The following AHNAK variants were observed in gnomAD, a reference collection of about 807,000 sequenced individuals.
The protein encoded by AHNAK is AHNAK nucleoprotein.
In AHNAK, 23 loss-of-function variants were observed where a neutral mutation model predicts 37.8. That is an observed-to-expected ratio of 0.61 (90% CI 0.44 to 0.86). The LOEUF is 0.86. Ranked by LOEUF, AHNAK falls within the 40% of genes least tolerant of loss-of-function variation. AHNAK has a pLI of 0.00. For synonymous variants in AHNAK, 2,481 were observed against 2,636.3 expected, an observed-to-expected ratio of 0.94 and a Z score of 1.80; for missense variants, 7,411 against 7,319.4, an observed-to-expected ratio of 1.01 and a Z score of -0.46.
At chr11:62,462,819 G>A (rs1286840417) in intron 5 of AHNAK, among the ~76,000 whole-genome samples, 1 of 152,146 alleles carries the variant, frequency 6.6e-6, no homozygotes, top group Non-Finnish European at 1.5e-5. Flanking sequence ...GAGGAGCTTT[G>A]TTAATTTAGT....
downstream of AHNAK, among the ~76,000 whole-genome samples, chr11:62,512,099 G>A (rs927462950): frequency 6.6e-6 from 1 of 152,146 alleles, no homozygotes; most frequent in Non-Finnish European, 1.5e-5. This position sits in a 1 kb window ranked among gnomAD's most constrained non-coding sequence, Gnocchi z 4.0. Context: ...CACCTGCCTC[G>A]GCCTCCCAAC....
Position 62,527,041 on chromosome 11 carries a change from T to A in AHNAK, c.7376A>T (p.Asp2459Val). 6.2e-7 allele frequency: 1 copy of A among 1,614,064 alleles called. No individual in the cohort carries two copies. The highest frequency in any genetic ancestry group is 8.5e-7 in the Non-Finnish European group (1 of 1,180,002). Residue 2459 changes from aspartate to valine, a missense_variant, in exon 5 of 5, where the codon GAT (aspartate) becomes GTT (valine). Asp to Val is a radical substitution (Grantham distance 152). Transcript: ENST00000378024. ...GATTTTGGGTCCTTTGAGATTTAGA[T>A]CAACATCAGGCATAGAAATATTGGG... Reference protein sequence around the residue: ...KAPNISMPDVDLNLKGPKIKG... With the variant: ...KAPNISMPDVVLNLKGPKIKG...
intron 5 of AHNAK, among the ~76,000 whole-genome samples, chr11:62,488,803 G>T (rs990910878): frequency 1.3e-5 from 2 of 152,060 alleles, no homozygotes; most frequent in Non-Finnish European, 2.9e-5. Flanking sequence ...AGCACCAGGG[G>T]AGCCAAAACA....
At chr11:62,506,639 C>T (rs1216677035) in intron 4 of AHNAK, among the ~76,000 whole-genome samples, 1 of 152,226 alleles carries the variant, frequency 6.6e-6, no homozygotes, top group Non-Finnish European at 1.5e-5. Context: ...CAGCAGGACG[C>T]CATGGGCTTA....
intron 1 of AHNAK, among the ~76,000 whole-genome samples, chr11:62,544,532 C>T (rs1941244228): frequency 6.6e-6 from 1 of 152,178 alleles, no homozygotes; most frequent in Admixed American, 6.5e-5. Context: ...CCTGCGACCT[C>T]TCCTAGCTCC....
chr11:62,534,515 T>C (rs1014937555), intron 4 of AHNAK, among the ~76,000 whole-genome samples: 1 of 152,188 alleles, frequency 6.6e-6, no homozygotes, highest in Non-Finnish European at 1.5e-5. Flanking sequence ...AAGAGACTGG[T>C]TGTGCTTGGG....
chr11:62,507,412 C>T (rs1403678777), intron 4 of AHNAK, among the ~76,000 whole-genome samples: 2 of 152,202 alleles, frequency 1.3e-5, no homozygotes, highest in African/African-American at 2.4e-5. Context: ...ACAGTATTTA[C>T]TATATGCTGA....
At position 62,522,633 on chromosome 11, in the gene AHNAK, C is replaced by T; in HGVS notation, c.11784G>A (p.Trp3928Ter). 2 of 1,612,992 alleles carry T rather than the reference C, an allele frequency of 1.2e-6. No individual in the cohort carries two copies. Among genetic ancestry groups the T allele is most frequent in the Non-Finnish European group, 1.7e-6 (2 of 1,179,828 alleles). ...TTTTTATCTTAGGCATCTTCAGGTG[C>T]CAGTCTGGGCCTCGAACATCCACAT... ...APDVDVRGPD[W>*]HLKMPKIKMP... The change falls in exon 5 of 5, where the codon TGG (tryptophan) becomes TGA (stop). Residue 3928 changes from tryptophan (W) to a stop codon, truncating the protein, a stop_gained. Transcript: ENST00000378024. LOFTEE classifies it low-confidence loss of function (END_TRUNC).
At chr11:62,489,552 G>A (rs1939461205) in intron 5 of AHNAK, among the ~76,000 whole-genome samples, 1 of 152,208 alleles carries the variant, frequency 6.6e-6, no homozygotes, top group Non-Finnish European at 1.5e-5. Context: ...GGCGATTGTA[G>A]CAAATAATAC....
At chr11:62,474,495 T>C (rs1939103976) in intron 5 of AHNAK, among the ~76,000 whole-genome samples, 1 of 152,120 alleles carries the variant, frequency 6.6e-6, no homozygotes, top group South Asian at 2.1e-4. Context: ...GAAACCTACA[T>C]CTTTAACCAG....
Position 62,526,372 on chromosome 11 carries a change from T to A in AHNAK, c.8045A>T (p.Asn2682Ile). The part of the protein sequence containing the change: ...PKVDIEGPDV[N>I]IEGPEGKLKG... ...CAACTTTCCCTCTGGTCCTTCAATG[T>A]TAACATCAGGGCCTTCAATGTCCAC... The change falls in exon 5 of 5, where the codon AAC (asparagine) becomes ATC (isoleucine). Residue 2682 changes from asparagine (N) to isoleucine (I), a missense_variant. Coordinates refer to ENST00000378024, the MANE Select transcript of AHNAK (RefSeq NM_001620.3). 6.2e-7 allele frequency: 1 copy of A among 1,610,666 alleles called. No homozygotes were observed. Among genetic ancestry groups the A allele is most frequent in the Non-Finnish European group, 8.5e-7 (1 of 1,179,150 alleles).
At chr11:62,492,843 A>G (rs1260981719) in intron 4 of AHNAK, among the ~76,000 whole-genome samples, 3 of 143,660 alleles carry the variant, frequency 2.1e-5, no homozygotes, top group East Asian at 3.9e-4. Flanking sequence ...ACACCACTGC[A>G]CTCCAGCCGG....
downstream of AHNAK, among the ~76,000 whole-genome samples, chr11:62,510,926 AAAAG>A (rs1277416646): frequency 2.6e-5 from 4 of 152,300 alleles, no homozygotes; most frequent in Admixed American, 2.6e-4. Flanking sequence ...ACTTTAAAAA[AAAAG>A]AAATTTCAGG....
At chr11:62,490,548 G>T (rs1939487709) in intron 5 of AHNAK, among the ~76,000 whole-genome samples, 1 of 152,086 alleles carries the variant, frequency 6.6e-6, no homozygotes, top group African/African-American at 2.4e-5. Context: ...TTTATATGCT[G>T]AACGGACATT....
At chr11:62,541,992 A>G (rs968853728) in intron 1 of AHNAK, 1 of 152,298 alleles carries the variant, frequency 6.6e-6, no homozygotes, top group African/African-American at 2.4e-5. Context: ...TGGCATTAAC[A>G]ACTTTTACAA....
Position 62,521,536 on chromosome 11 carries a change from T to C in AHNAK, c.12881A>G (p.Lys4294Arg), listed in dbSNP as rs1940242251. ...GGCATCGATGTCCACTTTGGGGCCC[T>C]TGATGTCAACTTCTGGGCCCTTGAG... ...GDLKGPEVDI[K>R]GPKVDIDAPD... The change falls in exon 5 of 5, where the codon AAG (lysine) becomes AGG (arginine). Residue 4294 changes from lysine to arginine, a missense_variant. By Grantham distance (26) the Lys-to-Arg change is conservative. Coordinates refer to ENST00000378024, the MANE Select transcript of AHNAK (RefSeq NM_001620.3). 6.2e-7 allele frequency: 1 copy of C among 1,613,262 alleles called. No homozygotes were observed. Among genetic ancestry groups the C allele is most frequent in the Non-Finnish European group, 8.5e-7 (1 of 1,179,816 alleles).
chr11:62,520,192 G>GT lies in AHNAK; in HGVS notation c.14224dup (p.Thr4742AsnfsTer4). On this transcript the variant is annotated frameshift_variant, in exon 5 of 5. Transcript: ENST00000378024. LOFTEE classifies it low-confidence loss of function (END_TRUNC). ...GAGGTCACCTTCCACTTTAGGAAGG[G>GT]TAACATCCACATCGCCCTTCACTTT... 1 of 1,613,596 alleles carries GT rather than the reference G, an allele frequency of 6.2e-7. No individual in the cohort carries two copies. The highest frequency in any genetic ancestry group is 1.1e-5 in the South Asian group (1 of 91,044).
intron 5 of AHNAK, among the ~76,000 whole-genome samples, chr11:62,477,792 ACT>A (rs1250922148): frequency 6.7e-6 from 1 of 150,298 alleles, no homozygotes; most frequent in East Asian, 1.9e-4. Flanking sequence ...AAAGAGTGAA[ACT>A]CCATCTCAAA....
intron 5 of AHNAK, among the ~76,000 whole-genome samples, chr11:62,486,487 A>G (rs528140): frequency 0.031 from 4,636 of 148,634 alleles, 222 homozygotes; most frequent in African/African-American, 0.11. Flanking sequence ...GTCTCAAAAA[A>G]AAGAAAGAAA....
Sources: allele counts gnomAD v4.1 joint callset (sites outside exome capture counted in the v4.1 genomes callset), GRCh38; gene constraint gnomAD v4.1.1; non-coding constraint Gnocchi (gnomAD v3.1); transcripts MANE v1.5; gene names NCBI Gene and HGNC (gene_info 2026-07-23, HGNC 2026-07-21).